The following DENND1B variants were observed in gnomAD, a reference collection of about 807,000 sequenced individuals.
DENND1B encodes DENN domain-containing protein 1B.
A neutral mutation model predicts 90.1 loss-of-function variants in DENND1B; 59 were observed. That is an observed-to-expected ratio of 0.65 (90% CI 0.53 to 0.81). DENND1B has a LOEUF of 0.81. Among genes scored for constraint, DENND1B ranks in the 40% least tolerant of loss-of-function variants. The pLI is 0.00. For synonymous variants in DENND1B, 337 were observed against 324.6 expected, an observed-to-expected ratio of 1.04 and a Z score of -0.41; for missense variants, 862 against 912.6, an observed-to-expected ratio of 0.94 and a Z score of 0.71.
At chr1:197,734,534 T>C (rs909357917) in intron 2 of DENND1B, 5 of 971,406 alleles carry the variant, frequency 5.1e-6, no homozygotes, top group African/African-American at 1.8e-5. Flanking sequence ...TACACAAAAA[T>C]AGATGTTTTG....
In DENND1B at chr1:197,652,225, G is replaced by A. The variant is rs748924890; in HGVS notation, c.447+10C>T. ...TGACTCCCAAAAACAATTACTGATTGAATACTTACCACACTCAAATTTACA... is the reference window on the plus strand; with the variant it reads ...TGACTCCCAAAAACAATTACTGATTAAATACTTACCACACTCAAATTTACA... On this transcript the variant is annotated intron_variant, in intron 7 of 22. Coordinates refer to ENST00000620048, the MANE Select transcript of DENND1B (RefSeq NM_001195215.2). The A allele has an allele frequency of 3.1e-6, 5 of 1,606,842 alleles. No homozygotes were observed. The East Asian group carries it at 1.1e-4, about 36-fold the overall frequency.
intron 10 of DENND1B, among the ~76,000 whole-genome samples, chr1:197,630,595 A>T (rs565084824): frequency 6.6e-6 from 1 of 152,256 alleles, no homozygotes; most frequent in African/African-American, 2.4e-5. Context: ...TTTATTCTAA[A>T]CTATTTCCAT....
chr1:197,632,253 C>T (rs1679390849), intron 10 of DENND1B, among the ~76,000 whole-genome samples: 1 of 152,068 alleles, frequency 6.6e-6, no homozygotes, highest in African/African-American at 2.4e-5. Context: ...TGGATAAAAG[C>T]CAAACCTCTT....
At chr1:197,635,906 C>G (rs987147461) in intron 10 of DENND1B, among the ~76,000 whole-genome samples, 1 of 151,534 alleles carries the variant, frequency 6.6e-6, no homozygotes, top group East Asian at 1.9e-4. Context: ...ATTGTTAAAA[C>G]CTTCTATGGA....
At chr1:197,658,801 G>T (rs534700944) in intron 5 of DENND1B, among the ~76,000 whole-genome samples, 2 of 150,978 alleles carry the variant, frequency 1.3e-5, no homozygotes, top group East Asian at 4.0e-4. Flanking sequence ...CAATTCTTCA[G>T]AAATGATGTT....
At chr1:197,695,928 T>C (rs905396628) in intron 3 of DENND1B, among the ~76,000 whole-genome samples, 17 of 151,404 alleles carry the variant, frequency 1.1e-4, no homozygotes, top group African/African-American at 4.1e-4. Flanking sequence ...TCCTACCAAA[T>C]ACCTTTTAAA....
At chr1:197,765,098 A>C (rs1655540368) in intron 2 of DENND1B, among the ~76,000 whole-genome samples, 1 of 152,222 alleles carries the variant, frequency 6.6e-6, no homozygotes, top group Non-Finnish European at 1.5e-5. Flanking sequence ...TGTCATAAGA[A>C]TTAGTACCAC....
intron 3 of DENND1B, among the ~76,000 whole-genome samples, chr1:197,705,552 C>G (rs945537259): frequency 6.6e-6 from 1 of 151,132 alleles, no homozygotes; most frequent in African/African-American, 2.4e-5. Context: ...CTGGACCTGA[C>G]AAGTACATTA....
chr1:197,615,746 G>C (rs1677590182), intron 11 of DENND1B, among the ~76,000 whole-genome samples: 1 of 150,872 alleles, frequency 6.6e-6, no homozygotes, highest in African/African-American at 2.4e-5. Flanking sequence ...TATGATAGAA[G>C]CTGAGCCTAT....
At chr1:197,778,206 T>A (rs183597615), upstream of DENND1B, among the ~76,000 whole-genome samples, 196 of 152,350 alleles carry the variant, frequency 1.3e-3, no homozygotes, top group African/African-American at 3.5e-3. Flanking sequence ...AACAGTTTTC[T>A]TCTGAATAGT....
chr1:197,738,021 CCT>C (rs1662872728), intron 2 of DENND1B, among the ~76,000 whole-genome samples: 1 of 8,148 alleles, frequency 1.2e-4, no homozygotes, highest in African/African-American at 7.5e-4. Context: ...GTTTTGATTG[CCT>C]CCTAATTTCC....
the DENND1B span, among the ~76,000 whole-genome samples, chr1:197,781,934 ATCT>A: frequency 5.3e-5 from 8 of 152,184 alleles, no homozygotes; most frequent in African/African-American, 1.7e-4. Context: ...ACAGCAAAAG[ATCT>A]TCTTCTGCCT....
At chr1:197,780,525 C>A (rs1328127781), upstream of DENND1B, among the ~76,000 whole-genome samples, 1 of 151,808 alleles carries the variant, frequency 6.6e-6, no homozygotes, top group Non-Finnish European at 1.5e-5. Flanking sequence ...AGGGTTTCAC[C>A]ATGTTGGTCA....
intron 15 of DENND1B, among the ~76,000 whole-genome samples, chr1:197,569,971 A>G (rs151076173): frequency 6.6e-6 from 1 of 152,296 alleles, no homozygotes; most frequent in East Asian, 1.9e-4. Context: ...GTTAACTGAT[A>G]TGTTACTTAG....
At chr1:197,561,278 T>C (rs1414156499) in intron 15 of DENND1B, among the ~76,000 whole-genome samples, 1 of 151,860 alleles carries the variant, frequency 6.6e-6, no homozygotes, top group Non-Finnish European at 1.5e-5. Context: ...TCATCATATA[T>C]CCATGGTTAC....
In DENND1B at chr1:197,605,456, G is replaced by C. The variant is rs193062689; in HGVS notation, c.921+1617C>G. ...CTGCCTATAAAAATTTTAATATCAC[G>C]TACAGAAAAGCTGAATTTCTTTCTC... On this transcript the variant is annotated intron_variant, in intron 13 of 22. Coordinates refer to ENST00000620048, the MANE Select transcript of DENND1B (RefSeq NM_001195215.2). 3.3e-5 allele frequency: 5 copies of C among 150,720 alleles called. No homozygotes were observed. The South Asian group carries it at 6.2e-4, about 19-fold the overall frequency. The allele number at this position is 150,720 out of a possible 1,614,324, so 9.3% of individuals were successfully genotyped here.
At chr1:197,565,523 T>C (rs772830644) in intron 15 of DENND1B, among the ~76,000 whole-genome samples, 3 of 151,930 alleles carry the variant, frequency 2.0e-5, no homozygotes, top group African/African-American at 7.3e-5. Flanking sequence ...AGTTTTAGGG[T>C]ACATGTGCAC....
At chr1:197,768,963 T>G (rs964621058) in intron 2 of DENND1B, among the ~76,000 whole-genome samples, 3 of 152,184 alleles carry the variant, frequency 2.0e-5, no homozygotes, top group African/African-American at 7.2e-5. Context: ...CAAGTTATAT[T>G]TTAAAAGCTA....
At chr1:197,752,713 T>C (rs1358035052) in intron 2 of DENND1B, among the ~76,000 whole-genome samples, 1 of 152,010 alleles carries the variant, frequency 6.6e-6, no homozygotes, top group Non-Finnish European at 1.5e-5. Context: ...TACATATGTA[T>C]ACATGTGCCA....
Sources: gnomAD v4.1 joint callset for allele counts (sites outside exome capture counted in the v4.1 genomes callset) on GRCh38, gnomAD v4.1.1 for gene constraint, MANE v1.5 for transcripts, NCBI Gene and HGNC (gene_info 2026-07-23, HGNC 2026-07-21) for gene names.